Variants in CSMD1 observed in about 807,000 individuals in gnomAD.
The protein encoded by CSMD1 is CUB and sushi domain-containing protein 1.
Under a neutral mutation model 417.5 loss-of-function variants are expected in CSMD1, and 213 were observed. That is an observed-to-expected ratio of 0.51 (90% CI 0.46 to 0.57). The LOEUF (loss-of-function observed/expected upper bound fraction) is 0.57, where lower values mean the gene tolerates loss of function less well. Among genes scored for constraint, CSMD1 ranks in the 20% least tolerant of loss-of-function variants. CSMD1 has a pLI of 0.00. For synonymous variants in CSMD1, 2,862 were observed against 1,736.8 expected (o/e 1.65, Z -16.11); for missense variants, 6,923 against 4,529.7 (o/e 1.53, Z -15.17).
intron 1 of CSMD1, among the ~76,000 whole-genome samples, chr8:4,875,844 A>C (rs567859288): frequency 1.2e-4 from 18 of 151,736 alleles, no homozygotes; most frequent in African/African-American, 3.6e-4. Context: ...CACACACACA[A>C]ACACTAGTAT....
intron 3 of CSMD1, among the ~76,000 whole-genome samples, chr8:4,060,520 G>A (rs1171481822): frequency 4.6e-5 from 7 of 152,156 alleles, no homozygotes; most frequent in East Asian, 1.9e-4. Context: ...AAACAAAGGG[G>A]ATGTCGGAGA....
chr8:3,069,765 C>G (rs925643399), intron 49 of CSMD1, among the ~76,000 whole-genome samples: 1 of 152,166 alleles, frequency 6.6e-6, no homozygotes, highest in African/African-American at 2.4e-5. Flanking sequence ...CTAAGCAGTG[C>G]CCCATTGGAG....
chr8:4,771,405 G>A lies in CSMD1; in HGVS notation c.86-133847C>T, dbSNP rs1269680005. The stretch of plus-strand genomic sequence containing the variant: ...TTGCATTGCTACTGCAGAGAAGCTT[G>A]CATTCCATTTTAAAATATCAAATCC... On this transcript the variant is annotated intron_variant, in intron 1 of 69. Transcript: ENST00000635120. Among the ~76,000 whole-genome samples the A allele has an allele frequency of 2.6e-5, 4 of 152,328 alleles. No individual in the cohort carries two copies. In the East Asian group the frequency reaches 7.7e-4, roughly 29 times the overall value.
chr8:3,535,617 T>C (rs1798163453), intron 10 of CSMD1, among the ~76,000 whole-genome samples: 1 of 152,208 alleles, frequency 6.6e-6, no homozygotes, highest in Non-Finnish European at 1.5e-5. Context: ...ATAATGTACC[T>C]TATTCAAGTA....
At chr8:3,651,391 G>A (rs942912917) in intron 7 of CSMD1, among the ~76,000 whole-genome samples, 1 of 152,016 alleles carries the variant, frequency 6.6e-6, no homozygotes, top group African/African-American at 2.4e-5. Flanking sequence ...TCACAATATG[G>A]AAGCCATGGC....
At chr8:4,817,904 C>G (rs533460185) in intron 1 of CSMD1, among the ~76,000 whole-genome samples, 1 of 152,228 alleles carries the variant, frequency 6.6e-6, no homozygotes, top group Admixed American at 6.5e-5. Context: ...GAACAATCAG[C>G]AACAAATATT....
At chr8:4,861,600 A>C (rs1802137508) in intron 1 of CSMD1, among the ~76,000 whole-genome samples, 1 of 152,164 alleles carries the variant, frequency 6.6e-6, no homozygotes, top group African/African-American at 2.4e-5. Flanking sequence ...AGTTCTTTGA[A>C]CAGAGGCTGT....
chr8:3,286,385 C>T (rs1457125221), intron 25 of CSMD1, among the ~76,000 whole-genome samples: 2 of 152,060 alleles, frequency 1.3e-5, no homozygotes, highest in Non-Finnish European at 1.5e-5. Context: ...AGTTCTAGAT[C>T]CCTGAGGAAT....
At chr8:3,794,506 T>G (rs934408065) in intron 5 of CSMD1, among the ~76,000 whole-genome samples, 2 of 152,174 alleles carry the variant, frequency 1.3e-5, no homozygotes, top group South Asian at 2.1e-4. Context: ...TGCATTACAT[T>G]GTATTGTGTG....
At chr8:3,239,380 G>C (rs1032948327) in intron 26 of CSMD1, among the ~76,000 whole-genome samples, 1 of 151,052 alleles carries the variant, frequency 6.6e-6, no homozygotes, top group Non-Finnish European at 1.5e-5. Context: ...GAAGAATTAT[G>C]TCTGACAGAA....
chr8:3,253,943 T>A (rs995857185), intron 26 of CSMD1, among the ~76,000 whole-genome samples: 1 of 152,212 alleles, frequency 6.6e-6, no homozygotes, highest in Non-Finnish European at 1.5e-5. Flanking sequence ...ATTTTGCTCA[T>A]TAGTTGATGC....
chr8:4,303,050 C>G (rs969892427), intron 3 of CSMD1, among the ~76,000 whole-genome samples: 1 of 151,866 alleles, frequency 6.6e-6, no homozygotes, highest in Non-Finnish European at 1.5e-5. Context: ...AAAACACATA[C>G]AAGGAAGTAG....
chr8:3,732,066 G>T lies in CSMD1; in HGVS notation c.931+21864C>A, dbSNP rs146894385. On this transcript the variant is annotated intron_variant, in intron 6 of 69. Coordinates refer to ENST00000635120, the MANE Select transcript of CSMD1 (RefSeq NM_033225.6). ...GACAAAAAAAATGCTCCATTCCTAT[G>T]ACCAAAGAGCCTAATAAAATGGATG... Among the ~76,000 whole-genome samples, 6 of 152,184 alleles carry T rather than the reference G, an allele frequency of 3.9e-5. No individual in the cohort carries two copies. In the East Asian group the frequency reaches 1.2e-3, roughly 30 times the overall value.
At chr8:3,305,540 C>A (rs1306131352) in intron 25 of CSMD1, among the ~76,000 whole-genome samples, 1 of 150,906 alleles carries the variant, frequency 6.6e-6, no homozygotes, top group Non-Finnish European at 1.5e-5. Flanking sequence ...TTAAGCTTGG[C>A]CCCATTTCCT....
At chr8:4,931,031 A>T (rs183541169) in intron 1 of CSMD1, among the ~76,000 whole-genome samples, 1 of 152,184 alleles carries the variant, frequency 6.6e-6, no homozygotes, top group South Asian at 2.1e-4. Context: ...AGAAAAAGGA[A>T]ATCTGCCCTT....
chr8:4,972,385 C>T (rs915881991), intron 1 of CSMD1, among the ~76,000 whole-genome samples: 3 of 152,112 alleles, frequency 2.0e-5, no homozygotes, highest in Non-Finnish European at 4.4e-5. Flanking sequence ...CAGTTCCCCC[C>T]ATGCTGTTCT....
At chr8:3,504,723 C>G (rs1796751460) in intron 10 of CSMD1, among the ~76,000 whole-genome samples, 1 of 152,170 alleles carries the variant, frequency 6.6e-6, no homozygotes, top group Admixed American at 6.5e-5. Context: ...CCTTCCTTCT[C>G]TATTGCAGTA....
chr8:4,574,804 A>G (rs1799061618), intron 2 of CSMD1, among the ~76,000 whole-genome samples: 1 of 152,244 alleles, frequency 6.6e-6, no homozygotes. Context: ...TTGCCATCCA[A>G]TATCAAAACA....
At chr8:3,922,669 C>T (rs533857923) in intron 5 of CSMD1, among the ~76,000 whole-genome samples, 43 of 152,178 alleles carry the variant, frequency 2.8e-4, no homozygotes, top group African/African-American at 9.4e-4. Flanking sequence ...TTTAATTGTG[C>T]TTTTCATCCA....
Sources: allele counts gnomAD v4.1 joint callset (sites outside exome capture counted in the v4.1 genomes callset), GRCh38; gene constraint gnomAD v4.1.1; transcripts MANE v1.5; gene names NCBI Gene and HGNC (gene_info 2026-07-23, HGNC 2026-07-21).